The following CNTNAP2 variants were observed in gnomAD, a reference collection of about 807,000 sequenced individuals.
CNTNAP2 encodes the protein contactin associated protein 2, also known as contactin-associated protein-like 2.
CNTNAP2 carries 98 observed loss-of-function variants against 155.2 expected under a neutral mutation model. The ratio of observed to expected loss-of-function variants is 0.63; its 90% CI spans 0.54 to 0.75. CNTNAP2 has a LOEUF of 0.75. Among genes scored for constraint, CNTNAP2 ranks in the 30% least tolerant of loss-of-function variants. The probability of loss-of-function intolerance (pLI) is 0.00; values close to 1 mark genes in which losing one functional copy is unlikely to be tolerated. For synonymous variants in CNTNAP2, 651 were observed against 631.2 expected (o/e 1.03, Z -0.47); for missense variants, 1,727 against 1,688.1 (o/e 1.02, Z -0.40).
chr7:147,106,829 A>C (rs552065100), intron 4 of CNTNAP2, among the ~76,000 whole-genome samples: 12 of 152,104 alleles, frequency 7.9e-5, no homozygotes, highest in Non-Finnish European at 1.5e-4. Context: ...CCCCCAAAGG[A>C]ATTTATTTGG....
chr7:147,753,373 A>T (rs1797168933), intron 13 of CNTNAP2, among the ~76,000 whole-genome samples: 1 of 152,214 alleles, frequency 6.6e-6, no homozygotes, highest in Non-Finnish European at 1.5e-5. Context: ...CTAGTCACTT[A>T]GAATTTATCT....
chr7:147,817,656 C>A (rs1798289410), intron 13 of CNTNAP2, among the ~76,000 whole-genome samples: 1 of 152,018 alleles, frequency 6.6e-6, no homozygotes, highest in Non-Finnish European at 1.5e-5. Context: ...TGTAACCCAG[C>A]ACTTTGGGAG....
intron 4 of CNTNAP2, among the ~76,000 whole-genome samples, chr7:147,093,056 A>C (rs1332423004): frequency 2.3e-5 from 3 of 130,578 alleles, no homozygotes; most frequent in Non-Finnish European, 4.7e-5. Context: ...CCCTGTCTCT[A>C]CTAAAAATAC....
intron 21 of CNTNAP2, among the ~76,000 whole-genome samples, chr7:148,308,316 C>A (rs745384571): frequency 2.4e-4 from 36 of 151,816 alleles, no homozygotes; most frequent in African/African-American, 8.2e-4. Context: ...ATGTTCACTG[C>A]AGAAAACTTG....
intron 1 of CNTNAP2, among the ~76,000 whole-genome samples, chr7:146,481,073 C>T (rs921033721): frequency 1.3e-5 from 2 of 152,044 alleles, no homozygotes; most frequent in Non-Finnish European, 2.9e-5. Flanking sequence ...ATATACTTCT[C>T]CTAACCTGAA....
At chr7:147,027,747 G>A (rs928293284) in intron 3 of CNTNAP2, among the ~76,000 whole-genome samples, 7 of 152,246 alleles carry the variant, frequency 4.6e-5, no homozygotes, top group African/African-American at 9.6e-5. Flanking sequence ...GGCCAGACTC[G>A]TGAAAAGCCG....
At chr7:147,235,678 C>A (rs2116626463) in intron 8 of CNTNAP2, among the ~76,000 whole-genome samples, 1 of 152,188 alleles carries the variant, frequency 6.6e-6, no homozygotes, top group East Asian at 1.9e-4. Flanking sequence ...CAGATTTAAC[C>A]CATGGGAGCC....
At chr7:147,093,302 A>G (rs1800455944) in intron 4 of CNTNAP2, among the ~76,000 whole-genome samples, 1 of 151,790 alleles carries the variant, frequency 6.6e-6, no homozygotes, top group East Asian at 1.9e-4. Context: ...ACAATGCAGC[A>G]TTATACTTAT....
intron 14 of CNTNAP2, among the ~76,000 whole-genome samples, chr7:147,949,460 T>TATATATA (rs60849459): frequency 5.4e-5 from 5 of 92,132 alleles, no homozygotes; most frequent in South Asian, 8.3e-4. Flanking sequence ...ATATATATAT[T>TATATATA]TTTTTTTTTT....
chr7:146,189,766 A>G (rs1038136373), intron 1 of CNTNAP2, among the ~76,000 whole-genome samples: 16 of 152,222 alleles, frequency 1.1e-4, no homozygotes, highest in African/African-American at 3.4e-4. Flanking sequence ...TTGAATTTCA[A>G]CATTCAGATG....
chr7:147,351,337 T>G (rs1458906853), intron 9 of CNTNAP2, among the ~76,000 whole-genome samples: 1 of 151,724 alleles, frequency 6.6e-6, no homozygotes, highest in Non-Finnish European at 1.5e-5. Flanking sequence ...TGATAGCTTA[T>G]TATATTTGTT....
chr7:147,981,821 T>G (rs1314617420), intron 15 of CNTNAP2, among the ~76,000 whole-genome samples: 5 of 134,788 alleles, frequency 3.7e-5, no homozygotes, highest in African/African-American at 1.5e-4. Context: ...GTGTGTGGTT[T>G]TTTTTTTCTT....
At chr7:147,966,240 T>C (rs968231109) in intron 14 of CNTNAP2, among the ~76,000 whole-genome samples, 14 of 151,984 alleles carry the variant, frequency 9.2e-5, no homozygotes, top group African/African-American at 3.4e-4. Context: ...CATTGAAAAA[T>C]AGTACCTTTT....
At chr7:146,697,829 T>C (rs1282239927) in intron 1 of CNTNAP2, among the ~76,000 whole-genome samples, 1 of 152,188 alleles carries the variant, frequency 6.6e-6, no homozygotes, top group Non-Finnish European at 1.5e-5. Context: ...AATTTATAAC[T>C]GCTTTCTAGC....
rs1187713810 is a variant in CNTNAP2 at position 146,687,388 on chromosome 7, A to G, written c.98-86883A>G. 3.9e-5 allele frequency among the ~76,000 whole-genome samples: 6 copies of G among 152,184 alleles called. No homozygotes were observed. In the East Asian group the frequency reaches 1.2e-3, roughly 29 times the overall value. On this transcript the variant is annotated intron_variant, in intron 1 of 23. Coordinates refer to ENST00000361727, the MANE Select transcript of CNTNAP2 (RefSeq NM_014141.6). The stretch of plus-strand genomic sequence containing the variant: ...GCTATATAGGGTCATTGTGAGGTTT[A>G]AATGAGATAGTACATGGACAAAAAT...
chr7:147,811,734 G>T (rs186852556), intron 13 of CNTNAP2, among the ~76,000 whole-genome samples: 1 of 152,108 alleles, frequency 6.6e-6, no homozygotes, highest in East Asian at 1.9e-4. Flanking sequence ...CATTTTACTC[G>T]CATTCTTGAC....
At chr7:146,315,493 A>G (rs1367621330) in intron 1 of CNTNAP2, among the ~76,000 whole-genome samples, 1 of 152,040 alleles carries the variant, frequency 6.6e-6, no homozygotes, top group African/African-American at 2.4e-5. Flanking sequence ...GTGTATTTTC[A>G]TAGTTGTCAG....
At chr7:146,596,005 T>A (rs1494450) in intron 1 of CNTNAP2, among the ~76,000 whole-genome samples, 3 of 151,780 alleles carry the variant, frequency 2.0e-5, no homozygotes, top group African/African-American at 7.3e-5. Context: ...ATTGTAGCAC[T>A]GAAAGTTGTC....
At chr7:146,858,889 T>G (rs1326757678) in intron 3 of CNTNAP2, among the ~76,000 whole-genome samples, 1 of 152,208 alleles carries the variant, frequency 6.6e-6, no homozygotes, top group African/African-American at 2.4e-5. Flanking sequence ...GTTGTACATG[T>G]CAGCATAAAT....
Sources: allele counts gnomAD v4.1 joint callset (sites outside exome capture counted in the v4.1 genomes callset), GRCh38; gene constraint gnomAD v4.1.1; transcripts MANE v1.5; gene names NCBI Gene and HGNC (gene_info 2026-07-23, HGNC 2026-07-21).